Variants in CFAP20DC observed in about 807,000 individuals in gnomAD.
CFAP20DC encodes CFAP20 domain containing, also known as protein CFAP20DC.
Under a neutral mutation model 101.7 loss-of-function variants are expected in CFAP20DC, and 84 were observed. That is an observed-to-expected ratio of 0.83 (90% confidence interval 0.69 to 0.99). CFAP20DC has a LOEUF of 0.99. Among genes scored for constraint, CFAP20DC ranks in the 50% least tolerant of loss-of-function variants. The probability of loss-of-function intolerance (pLI) is 0.00; values close to 1 mark genes in which losing one functional copy is unlikely to be tolerated. For missense variants in CFAP20DC, 1,007 were observed against 970.3 expected (o/e 1.04, Z -0.50); for synonymous variants, 359 against 351.2 (o/e 1.02, Z -0.25).
In CFAP20DC at chr3:58,849,286, C is replaced by G. The variant is rs1486401737; in HGVS notation, c.1717G>C (p.Ala573Pro). The change falls in exon 13 of 17, where the codon GCC becomes CCC. Residue 573 changes from alanine to proline, a missense_variant. Physicochemically the swap from Ala to Pro is conservative, Grantham distance 27. Transcript: ENST00000482387. The part of the protein sequence containing the change: ...KRTSKEYLRS[A>P]YTEAGATESQ... ...TCTGTTGCTCCTGCTTCTGTGTAGG[C>G]GCTCCTTAGATATTCCTTACTTGTC... 6.5e-7 allele frequency: 1 copy of G among 1,536,064 alleles called. No homozygotes were observed. The highest frequency in any genetic ancestry group is 1.2e-5 in the South Asian group (1 of 84,044).
chr3:58,962,427 G>A (rs190406647), intron 4 of CFAP20DC, among the ~76,000 whole-genome samples: 124 of 152,216 alleles, frequency 8.1e-4, no homozygotes, highest in Middle Eastern at 3.4e-3. Flanking sequence ...CTCGTTTCAT[G>A]GCCTAGCATT....
chr3:58,794,998 A>G (rs1313357150), intron 15 of CFAP20DC, among the ~76,000 whole-genome samples: 1 of 152,214 alleles, frequency 6.6e-6, no homozygotes, highest in Non-Finnish European at 1.5e-5. Flanking sequence ...GACTGGCTGT[A>G]GCCATTTAAC....
intron 14 of CFAP20DC, among the ~76,000 whole-genome samples, chr3:58,812,032 A>G (rs896429810): frequency 2.0e-5 from 3 of 152,224 alleles, no homozygotes; most frequent in Non-Finnish European, 2.9e-5. Flanking sequence ...TTAGAATGGC[A>G]ATCATTAAAA....
At chr3:58,929,333 C>T (rs768934498) in intron 5 of CFAP20DC, among the ~76,000 whole-genome samples, 35 of 152,264 alleles carry the variant, frequency 2.3e-4, no homozygotes, top group South Asian at 8.3e-4. Flanking sequence ...GGTGACTGAA[C>T]TCACAAAAGC....
intron 7 of CFAP20DC, among the ~76,000 whole-genome samples, chr3:58,879,023 A>G (rs574867441): frequency 5.3e-5 from 8 of 151,990 alleles, no homozygotes; most frequent in Admixed American, 5.2e-4. Flanking sequence ...AAAAAAAAAA[A>G]CAAAAGAATG....
intron 4 of CFAP20DC, among the ~76,000 whole-genome samples, chr3:58,942,108 A>T (rs1263662132): frequency 2.0e-5 from 3 of 152,144 alleles, no homozygotes; most frequent in African/African-American, 7.2e-5. Flanking sequence ...CCTTTTCTAT[A>T]CTGGTTGAAA....
chr3:58,902,002 G>A (rs2083189795), intron 6 of CFAP20DC, among the ~76,000 whole-genome samples: 1 of 152,110 alleles, frequency 6.6e-6, no homozygotes, highest in Admixed American at 6.5e-5. Flanking sequence ...CATAAAAGTG[G>A]AATCATACAT....
chr3:58,967,441 C>T (rs1298085757), intron 4 of CFAP20DC, among the ~76,000 whole-genome samples: 1 of 152,098 alleles, frequency 6.6e-6, no homozygotes, highest in Non-Finnish European at 1.5e-5. Flanking sequence ...AATCTTCATG[C>T]CCTCAGGATA....
At chr3:58,845,145 C>T (rs914145240) in intron 13 of CFAP20DC, among the ~76,000 whole-genome samples, 19 of 150,396 alleles carry the variant, frequency 1.3e-4, no homozygotes, top group Admixed American at 4.0e-4. Flanking sequence ...TAGCAGAAGG[C>T]GAGAAATAAC....
intron 5 of CFAP20DC, among the ~76,000 whole-genome samples, chr3:58,930,937 G>A (rs1000345634): frequency 2.3e-4 from 35 of 152,250 alleles, no homozygotes; most frequent in African/African-American, 6.7e-4. Context: ...TGGGTGCAGC[G>A]CACTGTGAGC....
rs539916557 is a variant in CFAP20DC, at chr3:59,015,349, G to GA, written c.278+24207dup. On this transcript the variant is annotated intron_variant, in intron 4 of 16. Transcript: ENST00000482387. The surrounding 1 kb of genome is among the most constrained non-coding windows in gnomAD (Gnocchi z 5.4). ...GAGTGATAAGAAATGAGAAGGAAAG[G>GA]AAGAAGGAAAAGAAAAATTAGGAAG... is the stretch of plus-strand genomic sequence containing the variant. Among the ~76,000 whole-genome samples, 16 of 151,850 alleles carry GA rather than the reference G, an allele frequency of 1.1e-4. No individual in the cohort carries two copies. Among genetic ancestry groups the GA allele is most frequent in the Non-Finnish European group, 2.1e-4 (14 of 67,964 alleles).
intron 4 of CFAP20DC, among the ~76,000 whole-genome samples, chr3:58,993,498 A>G (rs890882273): frequency 1.3e-5 from 2 of 151,916 alleles, no homozygotes; most frequent in Non-Finnish European, 2.9e-5. Context: ...AACGTGTGTC[A>G]TGGTGGTTTG....
intron 6 of CFAP20DC, among the ~76,000 whole-genome samples, chr3:58,890,164 G>A (rs567895688): frequency 9.3e-5 from 14 of 150,492 alleles, no homozygotes; most frequent in East Asian, 4.0e-4. Context: ...CGGACGGGGC[G>A]GCTGGCTGGG....
At chr3:58,833,172 G>A (rs2076511404) in intron 13 of CFAP20DC, among the ~76,000 whole-genome samples, 1 of 152,018 alleles carries the variant, frequency 6.6e-6, no homozygotes, top group Non-Finnish European at 1.5e-5. Flanking sequence ...ATAATTTGGG[G>A]TTTATAAAAG....
At position 59,007,551 on chromosome 3, in the gene CFAP20DC, C is replaced by T. The variant is rs1290512267; in HGVS notation, c.278+32006G>A. On this transcript the variant is annotated intron_variant, in intron 4 of 16. Coordinates refer to ENST00000482387, the MANE Select transcript of CFAP20DC (RefSeq NM_001394063.1). The surrounding 1 kb of genome is among the most constrained non-coding windows in gnomAD (Gnocchi z 4.4). The stretch of plus-strand genomic sequence containing the variant: ...GCGACAACTTCACTGCTAGCATAAC[C>T]AGCATTTGAGAAAGCCAGAAAACTA... Among the ~76,000 whole-genome samples, 2 of 152,192 alleles carry T rather than the reference C, an allele frequency of 1.3e-5. No homozygotes were observed. Among genetic ancestry groups the T allele is most frequent in the African/African-American group, 4.8e-5 (2 of 41,450 alleles).
At chr3:58,832,019 A>G (rs1300604515) in intron 13 of CFAP20DC, 130 bp from the exon 14 acceptor site, 7 of 706,712 alleles carry the variant, frequency 9.9e-6, no homozygotes, top group Non-Finnish European at 1.5e-5. Flanking sequence ...ACATGCCTCC[A>G]TGCGCTACCT....
At chr3:58,961,437 C>T (rs1194414441) in intron 4 of CFAP20DC, among the ~76,000 whole-genome samples, 2 of 152,020 alleles carry the variant, frequency 1.3e-5, no homozygotes, top group South Asian at 2.1e-4. Flanking sequence ...GTCTATAATC[C>T]CAGCTACTTG....
chr3:58,739,275 CATG>C (rs966844060), downstream of CFAP20DC, among the ~76,000 whole-genome samples: 5 of 152,146 alleles, frequency 3.3e-5, no homozygotes, highest in African/African-American at 1.2e-4. Flanking sequence ...TCTGTAATTA[CATG>C]ATAATTTTGA....
chr3:58,805,403 A>G (rs2073983865), intron 15 of CFAP20DC, among the ~76,000 whole-genome samples: 2 of 152,226 alleles, frequency 1.3e-5, no homozygotes, highest in African/African-American at 4.8e-5. Flanking sequence ...GGGTTCTAGA[A>G]TACAGCCCCG....
Sources: gnomAD v4.1 joint callset for allele counts (sites outside exome capture counted in the v4.1 genomes callset) on GRCh38, gnomAD v4.1.1 for gene constraint, Gnocchi (gnomAD v3.1) non-coding constraint, MANE v1.5 for transcripts, NCBI Gene and HGNC (gene_info 2026-07-23, HGNC 2026-07-21) for gene names.